The following NUMA1 variants were observed in gnomAD, a reference collection of about 807,000 sequenced individuals.
The protein encoded by NUMA1 is SP-H antigen.
In NUMA1, 62 loss-of-function variants were observed where a neutral mutation model predicts 237.1. The ratio of observed to expected loss-of-function variants is 0.26; its 90% CI spans 0.21 to 0.32. The LOEUF is 0.32. NUMA1 is among the 10% of genes least tolerant of loss of function. NUMA1 has a pLI of 1.00. For missense variants in NUMA1, 2,533 were observed against 2,666.5 expected (o/e 0.95, Z 1.10); for synonymous variants, 1,028 against 1,066.1 (o/e 0.96, Z 0.70).
At chr11:72,024,960 C>T (rs1295569512) in intron 4 of NUMA1, 9 of 153,622 alleles carry the variant, frequency 5.9e-5, no homozygotes, top group East Asian at 1.9e-4. Context: ...TGCAGTGGCA[C>T]GATCTCGGCT....
chr11:72,039,411 C>T (rs1425587556), intron 2 of NUMA1, among the ~76,000 whole-genome samples: 1 of 152,224 alleles, frequency 6.6e-6, no homozygotes, highest in Non-Finnish European at 1.5e-5. Context: ...CTCTTAGCCA[C>T]TTACTGCCCA....
intron 2 of NUMA1, among the ~76,000 whole-genome samples, chr11:72,036,966 G>A (rs1941093639): frequency 6.6e-6 from 1 of 152,212 alleles, no homozygotes; most frequent in South Asian, 2.1e-4. Context: ...AGAGTGGTAA[G>A]AGCCACATCA....
At chr11:72,064,133 G>A (rs1210349554) in intron 2 of NUMA1, among the ~76,000 whole-genome samples, 1 of 152,000 alleles carries the variant, frequency 6.6e-6, no homozygotes, top group Non-Finnish European at 1.5e-5. Flanking sequence ...ATATACATAT[G>A]ATGAAATCTT....
At chr11:72,003,825 C>A in intron 26 of NUMA1, 62 bp downstream of exon 26, 4 of 1,542,200 alleles carry the variant, frequency 2.6e-6, no homozygotes, top group South Asian at 2.3e-5. Context: ...CTTGGTGGGG[C>A]GGTCTGGGGG....
intron 13 of NUMA1, 31 bp from the exon 14 acceptor site, chr11:72,016,561 G>A: frequency 6.2e-7 from 1 of 1,607,928 alleles, no homozygotes; most frequent in Non-Finnish European, 8.5e-7. Flanking sequence ...TGTGAACAGA[G>A]AGGGGGAACA....
At chr11:72,075,638 C>A (rs1259616597) in intron 1 of NUMA1, among the ~76,000 whole-genome samples, 1 of 152,186 alleles carries the variant, frequency 6.6e-6, no homozygotes, top group African/African-American at 2.4e-5. Context: ...GAGAAAAATT[C>A]TTTATGCAGT....
chr11:72,033,263 C>A (rs1940564281), intron 3 of NUMA1, among the ~76,000 whole-genome samples: 1 of 152,076 alleles, frequency 6.6e-6, no homozygotes, highest in Non-Finnish European at 1.5e-5. Flanking sequence ...CGGGCTCAAG[C>A]AATTCTCCCA....
chr11:72,019,762 C>A, intron 8 of NUMA1, 145 bp from the exon 9 acceptor site: 1 of 871,948 alleles, frequency 1.1e-6, no homozygotes, highest in South Asian at 1.8e-5. Flanking sequence ...AGGCACTGGG[C>A]AGAACCTGAA....
At chr11:72,024,710 G>C (rs952986894) in intron 4 of NUMA1, 13 of 230,886 alleles carry the variant, frequency 5.6e-5, no homozygotes, top group Non-Finnish European at 8.6e-5. Context: ...ACTCTAAACT[G>C]TCAGGAAGCC....
In NUMA1 at chr11:72,015,179, C is replaced by T; in HGVS notation, c.2324G>A (p.Gly775Glu). Residue 775 changes from glycine (G) to glutamate (E), a missense_variant, in exon 15 of 27, where the codon GGG becomes GAG. Gly to Glu is a moderately conservative substitution (Grantham distance 98). Around this residue, in one of 3 missense-constraint regions of NUMA1, gnomAD observed 1,414 missense variants for 1,508.1 expected, o/e 0.94. Transcript: ENST00000393695. This position sits in a 1 kb window ranked among gnomAD's most constrained non-coding sequence, Gnocchi z 4.0. Reference sequence around the variant, plus strand: ...TTCAGTCTCAGCCTGATGGGCCTCCCCAAGCTGCTGTAATCGAGCCTCCAG... The same window carrying T: ...TTCAGTCTCAGCCTGATGGGCCTCCTCAAGCTGCTGTAATCGAGCCTCCAG... ...KGLEARLQQL[G>E]EAHQAETEVL... is the part of the protein sequence containing the mutation. The T allele has an allele frequency of 6.2e-7, 1 of 1,613,544 alleles. No homozygotes were observed. The highest frequency in any genetic ancestry group is 8.5e-7 in the Non-Finnish European group (1 of 1,180,052).
intron 2 of NUMA1, among the ~76,000 whole-genome samples, chr11:72,040,445 T>TACATACACACACACACACACAC (rs1941528300): frequency 7.3e-6 from 1 of 136,468 alleles, no homozygotes; most frequent in African/African-American, 2.8e-5. Flanking sequence ...CGCGTACACA[T>TACATACACACACACACACACAC]ACACACACAC....
chr11:72,022,276 C>A, intron 7 of NUMA1, 63 bp downstream of exon 7: 1 of 1,065,330 alleles, frequency 9.4e-7, no homozygotes, highest in South Asian at 1.4e-5. Context: ...CAAAGAAAAA[C>A]AAGTCAGGTG....
At chr11:72,022,291 G>T in intron 7 of NUMA1, 48 bp downstream of exon 7, 1 of 1,287,042 alleles carries the variant, frequency 7.8e-7, no homozygotes, top group South Asian at 1.2e-5. Context: ...CAGGTGAGGT[G>T]AAGCATGGGC....
chr11:72,018,100 T>G, intron 12 of NUMA1, 83 bp downstream of exon 12: 1 of 1,087,928 alleles, frequency 9.2e-7, no homozygotes, highest in Non-Finnish European at 1.4e-6. Flanking sequence ...TGCTGGGACA[T>G]TCTTCTCAAC....
chr11:72,015,110 G>A lies in NUMA1; in HGVS notation c.2393C>T (p.Thr798Ile), dbSNP rs1056023646. ...ELAEAMAAQH[T>I]AESECEQLVK... ...GAGCTGCTCACACTCACTCTCAGCT[G>A]TGTGCTGGGCAGCCATGGCCTCTGC... is the stretch of plus-strand genomic sequence containing the variant. The change falls in exon 15 of 27, where the codon ACA becomes ATA. Residue 798 changes from threonine to isoleucine, a missense_variant. Coordinates refer to ENST00000393695, the MANE Select transcript of NUMA1 (RefSeq NM_006185.4). The surrounding 1 kb of genome is among the most constrained non-coding windows in gnomAD (Gnocchi z 4.0). The A allele has an allele frequency of 5.0e-6, 8 of 1,613,526 alleles. No homozygotes were observed. The highest frequency in any genetic ancestry group is 4.5e-5 in the East Asian group (2 of 44,900).
chr11:72,003,635 TG>T (rs1955422323), intron 26 of NUMA1, 97 bp from the exon 27 acceptor site: 2 of 1,499,722 alleles, frequency 1.3e-6, no homozygotes, highest in Non-Finnish European at 1.9e-6. Flanking sequence ...CGCCCCTGTC[TG>T]GATCCCCTCC....
intron 2 of NUMA1, among the ~76,000 whole-genome samples, chr11:72,050,372 TA>T (rs1220660910): frequency 6.6e-6 from 1 of 152,162 alleles, no homozygotes; most frequent in African/African-American, 2.4e-5. Flanking sequence ...TAATCACTGA[TA>T]GAAATGAACA....
intron 1 of NUMA1, among the ~76,000 whole-genome samples, chr11:72,079,908 C>G (rs1591111668): frequency 6.6e-6 from 1 of 152,080 alleles, no homozygotes; most frequent in South Asian, 2.1e-4. Flanking sequence ...GCACCTTCCC[C>G]GTCCCCATTT....
chr11:72,055,844 G>A (rs916134149), intron 2 of NUMA1, among the ~76,000 whole-genome samples: 17 of 150,992 alleles, frequency 1.1e-4, no homozygotes, highest in African/African-American at 2.7e-4. Flanking sequence ...AGCTGGGCGC[G>A]GAAGCTTACA....
Sources: allele counts gnomAD v4.1 joint callset (sites outside exome capture counted in the v4.1 genomes callset), GRCh38; gene constraint gnomAD v4.1.1; regional missense constraint gnomAD v4.1.1; non-coding constraint Gnocchi (gnomAD v3.1); transcripts MANE v1.5; gene names NCBI Gene and HGNC (gene_info 2026-07-23, HGNC 2026-07-21).